SDK2: variants seen among roughly 807,000 people sequenced by gnomAD.
SDK2 encodes the protein protein sidekick-2.
Under a neutral mutation model 253.9 loss-of-function variants are expected in SDK2, and 105 were observed. The ratio of observed to expected loss-of-function variants is 0.41; its 90% CI spans 0.35 to 0.49. SDK2 has a LOEUF of 0.49. SDK2 is among the 20% of genes least tolerant of loss of function. The probability of loss-of-function intolerance (pLI) is 0.06; values close to 1 mark genes in which losing one functional copy is unlikely to be tolerated. For missense variants in SDK2, 2,608 were observed against 3,003.0 expected (o/e 0.87, Z 3.07); for synonymous variants, 1,249 against 1,234.9 (o/e 1.01, Z -0.24).
At chr17:73,392,330 C>A (rs1232773907) in intron 27 of SDK2, among the ~76,000 whole-genome samples, 2 of 151,488 alleles carry the variant, frequency 1.3e-5, no homozygotes, top group African/African-American at 4.9e-5. Context: ...AGTGCAGTGG[C>A]GTAATCTCAG....
chr17:73,631,172 G>A (rs1209257061), intron 1 of SDK2, among the ~76,000 whole-genome samples: 1 of 152,168 alleles, frequency 6.6e-6, no homozygotes, highest in African/African-American at 2.4e-5. Flanking sequence ...TTTTCACCCA[G>A]TGATGCGCAG....
chr17:73,399,036 A>G, intron 22 of SDK2, 132 bp downstream of exon 22: 1 of 862,020 alleles, frequency 1.2e-6, no homozygotes, highest in Non-Finnish European at 1.8e-6. Context: ...AAGTGTGAGC[A>G]TTTGGAGTAT....
At chr17:73,531,892 G>A (rs888085924) in intron 1 of SDK2, among the ~76,000 whole-genome samples, 1 of 152,182 alleles carries the variant, frequency 6.6e-6, no homozygotes, top group Non-Finnish European at 1.5e-5. Flanking sequence ...TGATGCCTGC[G>A]GCCTGTGCCC....
At chr17:73,388,820 C>T (rs1358324509) in intron 29 of SDK2, among the ~76,000 whole-genome samples, 1 of 68,190 alleles carries the variant, frequency 1.5e-5, no homozygotes, top group Admixed American at 1.7e-4. Flanking sequence ...CCCTCCCTCT[C>T]CTTCCTTCCT....
chr17:73,597,197 G>C (rs1440390100), intron 1 of SDK2, among the ~76,000 whole-genome samples: 1 of 152,102 alleles, frequency 6.6e-6, no homozygotes, highest in African/African-American at 2.4e-5. Context: ...ACCTCACCGG[G>C]GCCTTGAAGG....
rs57845880 is a variant in SDK2, at chr17:73,336,177, TAAAAAAAAA to T, written c.*2401_*2409del. The T allele has an allele frequency of 8.6e-6, 1 of 116,142 alleles. No individual in the cohort carries two copies. Among genetic ancestry groups the T allele is most frequent in the Non-Finnish European group, 1.8e-5 (1 of 54,922 alleles). 7.2% of individuals were successfully genotyped at this position (116,142 alleles called of 1,614,324 possible). A position where few individuals can be genotyped will look rare whatever the true frequency, so the allele number is the denominator to read the frequency against. Reference sequence around the variant, plus strand: ...AGAGAGGGAAAGGGATGAAGTTATTTAAAAAAAAAAAAAAAAAAAAGATGAGAGGAAAGA... The same window carrying T: ...AGAGAGGGAAAGGGATGAAGTTATTTAAAAAAAAAAAGATGAGAGGAAAGA... On this transcript the variant is annotated 3_prime_UTR_variant, in exon 45 of 45. Transcript: ENST00000392650.
intron 6 of SDK2, among the ~76,000 whole-genome samples, 173 bp downstream of exon 6, chr17:73,440,639 C>A (rs2063407957): frequency 6.6e-6 from 1 of 152,140 alleles, no homozygotes. Context: ...ACAAGCCAGC[C>A]CTGGTTGTAC....
chr17:73,387,977 A>G lies in SDK2; in HGVS notation c.4253T>C (p.Val1418Ala), dbSNP rs2062887914. Residue 1418 changes from valine to alanine, a missense_variant, in exon 30 of 45, where the codon GTG becomes GCG. Val to Ala is a moderately conservative substitution (Grantham distance 64). This residue lies in a region of SDK2 where 1,103 missense variants were observed against 1,143.9 expected (regional missense o/e 0.96). Coordinates refer to ENST00000392650, the MANE Select transcript of SDK2 (RefSeq NM_001144952.2). ...VQQEDVRARSVLLSWEPGSDG... is the reference protein window; with the variant it reads ...VQQEDVRARSALLSWEPGSDG... ...GCTCCCTGGCTCCCAGGACAGCAGC[A>G]CGCTGCGTGCTCTCACATCCTCCTG... 2 of 1,571,338 alleles carry G rather than the reference A, an allele frequency of 1.3e-6. No homozygotes were observed. The highest frequency in any genetic ancestry group is 2.7e-5 in the African/African-American group (2 of 74,022).
chr17:73,398,898 G>A (rs189517591), intron 22 of SDK2, among the ~76,000 whole-genome samples: 6 of 152,246 alleles, frequency 3.9e-5, no homozygotes, highest in South Asian at 2.1e-4. Context: ...CAGCCAAGGC[G>A]GATATTTTTA....
intron 1 of SDK2, among the ~76,000 whole-genome samples, chr17:73,527,926 T>C (rs1411701250): frequency 1.3e-5 from 2 of 151,820 alleles, no homozygotes; most frequent in East Asian, 3.9e-4. Flanking sequence ...GTGAGAAGAA[T>C]GGGGATTGTG....
Position 73,394,197 on chromosome 17 carries a change from C to T in SDK2, c.3708+12G>A. The T allele has an allele frequency of 6.6e-7, 1 of 1,506,246 alleles. No homozygotes were observed. The highest frequency in any genetic ancestry group is 9.0e-7 in the Non-Finnish European group (1 of 1,115,950). The allele number at this position is 1,506,246 out of a possible 1,614,324, so 93.3% of individuals were successfully genotyped here. Reference sequence around the variant, plus strand: ...GTGTAGGGACCCCACCTCCTGGGATCCCGGGACTCACCTTATAGCCCAGCA... The same window carrying T: ...GTGTAGGGACCCCACCTCCTGGGATTCCGGGACTCACCTTATAGCCCAGCA... On this transcript the variant is annotated intron_variant, in intron 26 of 44. Coordinates refer to ENST00000392650, the MANE Select transcript of SDK2 (RefSeq NM_001144952.2).
At chr17:73,608,999 T>C (rs1435255339) in intron 1 of SDK2, among the ~76,000 whole-genome samples, 1 of 152,154 alleles carries the variant, frequency 6.6e-6, no homozygotes, top group Admixed American at 6.5e-5. Context: ...TCTATTGGCT[T>C]AGATGTGGGG....
At chr17:73,351,873 G>A (rs75240338) in intron 41 of SDK2, among the ~76,000 whole-genome samples, 251 of 152,082 alleles carry the variant, frequency 1.7e-3, no homozygotes, top group African/African-American at 5.6e-3. Flanking sequence ...GGAGGAGGCT[G>A]GGTTCCTTTG....
chr17:73,584,905 G>A (rs541838886), intron 1 of SDK2, among the ~76,000 whole-genome samples: 23 of 152,374 alleles, frequency 1.5e-4, no homozygotes, highest in African/African-American at 4.6e-4. Context: ...GTCGAAGCCC[G>A]TTGATTTGTT....
In SDK2 at chr17:73,643,957, T is replaced by TGCCCCCCCCCCCCCCCCC; in HGVS notation, c.64+67_64+68insGGGGGGGGGGGGGGGGGC. On this transcript the variant is annotated intron_variant, in intron 1 of 44. Coordinates refer to ENST00000392650, the MANE Select transcript of SDK2 (RefSeq NM_001144952.2). The surrounding 1 kb of genome is among the most constrained non-coding windows in gnomAD (Gnocchi z 6.9). ...GGAGGTCACCGTGAGGCCGGCCAGC[T>TGCCCCCCCCCCCCCCCCC]CCCGCCGCCCCTCCCCCGCCCACTC... The TGCCCCCCCCCCCCCCCCC allele has an allele frequency of 1.9e-5, 19 of 1,019,968 alleles. No individual in the cohort carries two copies. The highest frequency in any genetic ancestry group is 2.2e-5 in the Non-Finnish European group (15 of 674,856). The allele number at this position is 1,019,968 out of a possible 1,614,324, so 63.2% of individuals were successfully genotyped here. A position where few individuals can be genotyped will look rare whatever the true frequency, so the allele number is the denominator to read the frequency against.
intron 1 of SDK2, among the ~76,000 whole-genome samples, chr17:73,596,823 T>C (rs755738451): frequency 4.0e-4 from 61 of 152,182 alleles, no homozygotes; most frequent in Admixed American, 1.8e-3. Flanking sequence ...CTCCCTGCCA[T>C]GGCTGGCGGT....
At chr17:73,540,646 G>A (rs941349800) in intron 1 of SDK2, among the ~76,000 whole-genome samples, 2 of 152,190 alleles carry the variant, frequency 1.3e-5, no homozygotes, top group Non-Finnish European at 2.9e-5. Context: ...CTGGTGCTAT[G>A]TCACTTGCTT....
intron 1 of SDK2, among the ~76,000 whole-genome samples, chr17:73,538,290 C>T (rs535650879): frequency 6.6e-6 from 1 of 152,318 alleles, no homozygotes; most frequent in African/African-American, 2.4e-5. Flanking sequence ...GCTGACCAGT[C>T]TCCTGGCTCC....
chr17:73,375,459 C>G (rs2062770189), intron 36 of SDK2, among the ~76,000 whole-genome samples: 1 of 152,072 alleles, frequency 6.6e-6, no homozygotes, highest in Admixed American at 6.6e-5. Context: ...GTTGCCCAGG[C>G]TGGTCTTGGA....
Sources: gnomAD v4.1 joint callset for allele counts (sites outside exome capture counted in the v4.1 genomes callset) on GRCh38, gnomAD v4.1.1 for gene constraint, gnomAD v4.1.1 regional missense constraint, Gnocchi (gnomAD v3.1) non-coding constraint, MANE v1.5 for transcripts, NCBI Gene and HGNC (gene_info 2026-07-23, HGNC 2026-07-21) for gene names.